The following CNTN3 variants were observed in gnomAD, a reference collection of about 807,000 sequenced individuals.
The protein encoded by CNTN3 is contactin-3.
Under a neutral mutation model 119.1 loss-of-function variants are expected in CNTN3, and 60 were observed. The observed-to-expected ratio is 0.50, with a 90% CI of 0.41 to 0.62. The LOEUF is 0.62. Ranked by LOEUF, CNTN3 falls within the 20% of genes least tolerant of loss-of-function variation. The pLI is 0.00. For missense variants in CNTN3, 1,101 were observed against 1,242.4 expected (o/e 0.89, Z 1.71); for synonymous variants, 450 against 438.7 (o/e 1.03, Z -0.32).
intron 4 of CNTN3, among the ~76,000 whole-genome samples, chr3:74,465,189 C>T (rs1702438903): frequency 6.6e-6 from 1 of 152,156 alleles, no homozygotes; most frequent in Non-Finnish European, 1.5e-5. Context: ...GTGGCTGGTA[C>T]ACAGCAGGCC....
chr3:74,557,383 T>C (rs1011963331), intron 1 of CNTN3, among the ~76,000 whole-genome samples: 11 of 152,186 alleles, frequency 7.2e-5, no homozygotes, highest in South Asian at 4.2e-4. Flanking sequence ...TGATGGCATT[T>C]TGAAAATATG....
chr3:74,552,963 TTA>T (rs1260645838), intron 1 of CNTN3, among the ~76,000 whole-genome samples: 1 of 152,196 alleles, frequency 6.6e-6, no homozygotes, highest in Admixed American at 6.5e-5. Flanking sequence ...GTACTTTAAG[TTA>T]TGAGTTACAT....
At chr3:74,454,865 G>A (rs1427542403) in intron 4 of CNTN3, among the ~76,000 whole-genome samples, 1 of 152,148 alleles carries the variant, frequency 6.6e-6, no homozygotes, top group Non-Finnish European at 1.5e-5. Flanking sequence ...TAGAGTTTCT[G>A]CCGAGAGATC....
At chr3:74,491,982 C>T (rs956306498) in intron 3 of CNTN3, among the ~76,000 whole-genome samples, 1 of 152,158 alleles carries the variant, frequency 6.6e-6, no homozygotes, top group Admixed American at 6.5e-5. Context: ...CACACCCCAG[C>T]ATTTCAATCA....
intron 11 of CNTN3, among the ~76,000 whole-genome samples, chr3:74,341,309 T>G (rs2106724799): frequency 6.6e-6 from 1 of 152,282 alleles, no homozygotes; most frequent in South Asian, 2.1e-4. Context: ...AAAGTGAAAA[T>G]TTTATACCAC....
At chr3:74,285,245 G>T (rs1026792154) in intron 20 of CNTN3, 60 bp downstream of exon 20, 4 of 1,478,034 alleles carry the variant, frequency 2.7e-6, no homozygotes, top group African/African-American at 2.8e-5. Flanking sequence ...AATAGAGAAG[G>T]CTATCCTTTT....
chr3:74,362,347 T>C (rs910840086), intron 10 of CNTN3, among the ~76,000 whole-genome samples: 1 of 152,200 alleles, frequency 6.6e-6, no homozygotes, highest in Non-Finnish European at 1.5e-5. Flanking sequence ...AAATGTTAGC[T>C]CCACGAAGAC....
At chr3:74,565,114 T>C (rs530107430) in intron 1 of CNTN3, among the ~76,000 whole-genome samples, 1 of 152,150 alleles carries the variant, frequency 6.6e-6, no homozygotes, top group Non-Finnish European at 1.5e-5. Flanking sequence ...TTTTTGTATT[T>C]GTTTCCTATT....
chr3:74,301,916 A>T, intron 14 of CNTN3, 111 bp from the exon 15 acceptor site: 1 of 1,208,142 alleles, frequency 8.3e-7, no homozygotes, highest in Non-Finnish European at 1.2e-6. Context: ...GACTTTTCCC[A>T]ATTTCAGAAG....
In CNTN3 at chr3:74,349,303, A is replaced by T. The variant is rs574403456; in HGVS notation, c.1364+12587T>A. Among the ~76,000 whole-genome samples the T allele has an allele frequency of 1.1e-3, 163 of 152,276 alleles. 1 individual carries two copies. The highest frequency in any genetic ancestry group is 3.8e-3 in the African/African-American group (159 of 41,546). ...AAACAGACATAATACACTGTGTTAA[A>T]TGATACTACTGAATATATAAAGAAA... On this transcript the variant is annotated intron_variant, in intron 11 of 22. Transcript: ENST00000263665.
chr3:74,350,819 A>C (rs1427774241), intron 11 of CNTN3, among the ~76,000 whole-genome samples: 4 of 150,616 alleles, frequency 2.7e-5, no homozygotes, highest in African/African-American at 1.0e-4. Flanking sequence ...TTAATGTAGA[A>C]ACACAAAATA....
intron 1 of CNTN3, among the ~76,000 whole-genome samples, chr3:74,554,158 C>T (rs900634375): frequency 6.6e-6 from 1 of 152,148 alleles, no homozygotes; most frequent in Non-Finnish European, 1.5e-5. Context: ...TTCCCAATGC[C>T]ATTTATTAAA....
intron 1 of CNTN3, among the ~76,000 whole-genome samples, chr3:74,580,683 A>T (rs139999119): frequency 2.8e-3 from 430 of 152,286 alleles, no homozygotes; most frequent in African/African-American, 9.8e-3. Context: ...TTTATGATAA[A>T]AATTACCAGC....
chr3:74,440,841 C>T (rs1392727313), intron 4 of CNTN3, among the ~76,000 whole-genome samples: 2 of 152,070 alleles, frequency 1.3e-5, no homozygotes, highest in African/African-American at 2.4e-5. Flanking sequence ...TAAAGCATTA[C>T]ATTTATTAGA....
At chr3:74,401,002 A>C (rs1014621346) in intron 5 of CNTN3, among the ~76,000 whole-genome samples, 1 of 152,212 alleles carries the variant, frequency 6.6e-6, no homozygotes, top group African/African-American at 2.4e-5. Flanking sequence ...GAAAAGATTC[A>C]TAATTTTTAC....
At chr3:74,524,069 C>T (rs1486573854) in intron 1 of CNTN3, among the ~76,000 whole-genome samples, 1 of 151,768 alleles carries the variant, frequency 6.6e-6, no homozygotes, top group Non-Finnish European at 1.5e-5. Flanking sequence ...TGGGAACTGG[C>T]CACCATGTGA....
intron 5 of CNTN3, among the ~76,000 whole-genome samples, chr3:74,393,759 A>G (rs1704975622): frequency 6.6e-6 from 1 of 152,194 alleles, no homozygotes; most frequent in East Asian, 1.9e-4. Context: ...TTCCAAATCC[A>G]CCACAGTGTG....
chr3:74,321,235 A>G (rs72892549), intron 13 of CNTN3, among the ~76,000 whole-genome samples: 4,548 of 152,264 alleles, frequency 0.03, 219 homozygotes, highest in African/African-American at 0.1. Context: ...CATGCAATAT[A>G]CCTTTAACAA....
chr3:74,282,674 G>C (rs1702036962), intron 20 of CNTN3, among the ~76,000 whole-genome samples: 1 of 151,894 alleles, frequency 6.6e-6, no homozygotes, highest in Non-Finnish European at 1.5e-5. Flanking sequence ...ATAATCACAA[G>C]AGCCTTACCA....
Sources: gnomAD v4.1 joint callset for allele counts (sites outside exome capture counted in the v4.1 genomes callset) on GRCh38, gnomAD v4.1.1 for gene constraint, MANE v1.5 for transcripts, NCBI Gene and HGNC (gene_info 2026-07-23, HGNC 2026-07-21) for gene names.